The following CDH22 variants were observed in gnomAD, a reference collection of about 807,000 sequenced individuals.
CDH22 encodes cadherin 22, also known as cadherin-22.
In CDH22, 30 loss-of-function variants were observed where a neutral mutation model predicts 58.4. The ratio of observed to expected loss-of-function variants is 0.51; its 90% CI spans 0.38 to 0.70. The LOEUF (loss-of-function observed/expected upper bound fraction) is 0.70. Among genes scored for constraint, CDH22 ranks in the 30% least tolerant of loss-of-function variants. The probability of loss-of-function intolerance (pLI) is 0.00; values close to 1 mark genes in which losing one functional copy is unlikely to be tolerated. For synonymous variants in CDH22, 513 were observed against 558.2 expected, an observed-to-expected ratio of 0.92 and a Z score of 1.14; for missense variants, 1,014 against 1,233.9, an observed-to-expected ratio of 0.82 and a Z score of 2.67.
At chr20:46,224,443 T>C (rs1017556891) in intron 4 of CDH22, among the ~76,000 whole-genome samples, 13 of 152,156 alleles carry the variant, frequency 8.5e-5, no homozygotes, top group Admixed American at 7.9e-4. Context: ...CCTGTGCACA[T>C]GGGGAAACTG....
chr20:46,239,244 T>A (rs2086274111), intron 3 of CDH22, among the ~76,000 whole-genome samples: 1 of 152,246 alleles, frequency 6.6e-6, no homozygotes, highest in Non-Finnish European at 1.5e-5. Flanking sequence ...ATTTGTTGAA[T>A]GAATGAATAT....
At chr20:46,196,790 C>T (rs969511753) in intron 8 of CDH22, among the ~76,000 whole-genome samples, 7 of 152,134 alleles carry the variant, frequency 4.6e-5, no homozygotes, top group African/African-American at 1.7e-4. Flanking sequence ...AGAAAGGGCC[C>T]GGAACAGAGT....
intron 1 of CDH22, among the ~76,000 whole-genome samples, chr20:46,297,503 G>A (rs2086633929): frequency 6.6e-6 from 1 of 151,708 alleles, no homozygotes. Flanking sequence ...GGAATTGGGG[G>A]CTCTATCTTG....
chr20:46,256,641 GTGAGTGAGA>G (rs1183892380), intron 1 of CDH22, among the ~76,000 whole-genome samples: 1 of 152,200 alleles, frequency 6.6e-6, no homozygotes. Context: ...GGATTTTTCT[GTGAGTGAGA>G]TGAGACCCCT....
chr20:46,199,647 G>A, intron 7 of CDH22, 88 bp from the exon 8 acceptor site: 1 of 1,489,024 alleles, frequency 6.7e-7, no homozygotes, highest in South Asian at 1.3e-5. Context: ...TCCAAGAGAG[G>A]GACCGCCTGC....
chr20:46,223,756 T>C (rs57724361), intron 4 of CDH22, among the ~76,000 whole-genome samples: 9 of 148,782 alleles, frequency 6.0e-5, no homozygotes, highest in Admixed American at 1.3e-4. Context: ...TCCTCTTTCT[T>C]TTTCTTTCTT....
chr20:46,215,718 C>T lies in CDH22; in HGVS notation c.838+1108G>A, dbSNP rs117642026. 7.8e-3 allele frequency among the ~76,000 whole-genome samples: 1,182 copies of T among 152,316 alleles called. 20 individuals are homozygous for T. Among genetic ancestry groups the T allele is most frequent in the Admixed American group, 0.027 (412 of 15,302 alleles). ...AGGAATGACGAGCAGGAAAGCAAAC[C>T]TTCTGGGGGCCCTGGCCTCCTCTCT... On this transcript the variant is annotated intron_variant, in intron 5 of 11. Transcript: ENST00000537909.
chr20:46,218,946 C>A (rs2086105220), intron 4 of CDH22, among the ~76,000 whole-genome samples: 1 of 152,172 alleles, frequency 6.6e-6, no homozygotes, highest in African/African-American at 2.4e-5. Flanking sequence ...GAGTCATGCA[C>A]CAGCAGCCCC....
At chr20:46,269,712 G>T (rs912596492) in intron 1 of CDH22, among the ~76,000 whole-genome samples, 2 of 152,218 alleles carry the variant, frequency 1.3e-5, no homozygotes, top group African/African-American at 4.8e-5. Flanking sequence ...GCCTGCCAGG[G>T]ACAAGTAAGG....
In CDH22 at chr20:46,178,283, T is replaced by C. The variant is rs189316772; in HGVS notation, c.1664-86A>G. 1.3e-5 allele frequency: 19 copies of C among 1,470,372 alleles called. No individual in the cohort carries two copies. The East Asian group carries it at 3.9e-4, about 30-fold the overall frequency. 91.1% of individuals were successfully genotyped at this position (1,470,372 alleles called of 1,614,324 possible). A position where few individuals can be genotyped will look rare whatever the true frequency, so the allele number is the denominator to read the frequency against. On this transcript the variant is annotated intron_variant, in intron 10 of 11. Transcript: ENST00000537909. ...GCCACCTCCTGATTGCATCGTGAGA[T>C]TTGCCTCCCTATGCCCCAAACTACA... is the stretch of plus-strand genomic sequence containing the variant.
intron 1 of CDH22, among the ~76,000 whole-genome samples, chr20:46,277,199 A>G (rs1272100554): frequency 6.6e-6 from 1 of 152,164 alleles, no homozygotes; most frequent in East Asian, 1.9e-4. Context: ...GGGGTGGCAC[A>G]AGTACAAATC....
chr20:46,178,190 G>C lies in CDH22; in HGVS notation c.1671C>G (p.Thr557=), dbSNP rs562362688. 5.3e-5 allele frequency: 86 copies of C among 1,611,246 alleles called. No homozygotes were observed. The South Asian group carries it at 9.1e-4, about 17-fold the overall frequency. Residue 557 remains threonine (T), a synonymous_variant, in exon 11 of 12, where the codon ACC becomes ACG. Coordinates refer to ENST00000537909, the MANE Select transcript of CDH22 (RefSeq NM_021248.3). The part of the protein sequence containing the change: ...HFSLLDIQDN[T]AAVHTQHVGF... The stretch of plus-strand genomic sequence containing the variant: ...CCACGTGCTGCGTGTGCACTGCAGC[G>C]GTGTTGTCTGTTCCGGAAGAAGGGG...
chr20:46,196,096 G>A (rs1233847246), intron 8 of CDH22, among the ~76,000 whole-genome samples: 9 of 152,170 alleles, frequency 5.9e-5, no homozygotes, highest in Non-Finnish European at 1.2e-4. Context: ...TGGGGCTCTG[G>A]CTGGCTCCTG....
intron 1 of CDH22, among the ~76,000 whole-genome samples, chr20:46,298,628 A>G (rs1440148428): frequency 6.6e-6 from 1 of 151,878 alleles, no homozygotes; most frequent in Non-Finnish European, 1.5e-5. Context: ...AAATGGATGG[A>G]TTGATGAATG....
At chr20:46,306,202 AAGAAAC>A (rs1245199677) in intron 1 of CDH22, among the ~76,000 whole-genome samples, 1 of 152,268 alleles carries the variant, frequency 6.6e-6, no homozygotes, top group African/African-American at 2.4e-5. Flanking sequence ...GCGTGAAGCC[AAGAAAC>A]GGCTCTGTTT....
intron 8 of CDH22, among the ~76,000 whole-genome samples, chr20:46,189,683 A>C (rs1489098840): frequency 6.6e-6 from 1 of 152,238 alleles, no homozygotes; most frequent in Non-Finnish European, 1.5e-5. Context: ...CTTGTGAGAA[A>C]GCCCTAATGT....
intron 2 of CDH22, among the ~76,000 whole-genome samples, chr20:46,246,051 C>T (rs1050274255): frequency 1.3e-5 from 2 of 152,096 alleles, no homozygotes; most frequent in Admixed American, 6.5e-5. Flanking sequence ...AACACAAGAG[C>T]GATGTTTTCT....
Position 46,307,736 on chromosome 20 carries a change from G to A in CDH22, c.-400+519C>T, listed in dbSNP as rs570906432. Among the ~76,000 whole-genome samples the A allele has an allele frequency of 5.4e-3, 824 of 152,054 alleles. 8 individuals are homozygous for A. The highest frequency in any genetic ancestry group is 0.019 in the African/African-American group (793 of 41,534). Reference sequence around the variant, plus strand: ...CGGCACGACCTCGCACACACACACCGCGCGCACACGCTCGCGCCGTGCGGT... The same window carrying A: ...CGGCACGACCTCGCACACACACACCACGCGCACACGCTCGCGCCGTGCGGT... On this transcript the variant is annotated intron_variant, in intron 1 of 11. Coordinates refer to ENST00000537909, the MANE Select transcript of CDH22 (RefSeq NM_021248.3).
chr20:46,187,522 C>T (rs1289585439), intron 8 of CDH22, among the ~76,000 whole-genome samples: 1 of 151,684 alleles, frequency 6.6e-6, no homozygotes, highest in Non-Finnish European at 1.5e-5. Context: ...TAGTACTACA[C>T]CCATCATCTC....
Sources: allele counts gnomAD v4.1 joint callset (sites outside exome capture counted in the v4.1 genomes callset), GRCh38; gene constraint gnomAD v4.1.1; transcripts MANE v1.5; gene names NCBI Gene and HGNC (gene_info 2026-07-23, HGNC 2026-07-21).